Variants in PKD1L3 observed in about 807,000 individuals in gnomAD.
The protein encoded by PKD1L3 is polycystin-1-like protein 3.
In PKD1L3, 239 loss-of-function variants were observed where a neutral mutation model predicts 184.1. The observed-to-expected ratio is 1.30, with a 90% confidence interval of 1.17 to 1.45. PKD1L3 has a LOEUF of 1.45. Ranked by LOEUF, PKD1L3 falls within the 40% of genes most tolerant of loss-of-function variation. The pLI is 0.00. For missense variants in PKD1L3, 2,660 were observed against 2,067.2 expected, an observed-to-expected ratio of 1.29 and a Z score of -5.56; for synonymous variants, 996 against 778.8, an observed-to-expected ratio of 1.28 and a Z score of -4.64.
intron 13 of PKD1L3, among the ~76,000 whole-genome samples, chr16:71,969,330 G>A (rs2039620696): frequency 6.7e-6 from 1 of 149,376 alleles, no homozygotes; most frequent in Admixed American, 6.7e-5. Context: ...TTTCTTTTTG[G>A]AGACTGGGTC....
chr16:71,984,828 C>A (rs1262996130), intron 5 of PKD1L3, among the ~76,000 whole-genome samples: 1 of 152,168 alleles, frequency 6.6e-6, no homozygotes, highest in African/African-American at 2.4e-5. Context: ...CACTGCACTC[C>A]AGCCTGGGCG....
chr16:71,988,470 C>T (rs1397626026), intron 4 of PKD1L3, among the ~76,000 whole-genome samples: 2 of 152,194 alleles, frequency 1.3e-5, no homozygotes, highest in Non-Finnish European at 2.9e-5. Flanking sequence ...ATGGGGACTG[C>T]AGGCATAAGC....
At chr16:71,970,228 T>C (rs1597340632) in intron 12 of PKD1L3, 123 bp from the exon 13 acceptor site, 2 of 751,828 alleles carry the variant, frequency 2.7e-6, no homozygotes, top group Non-Finnish European at 4.3e-6. Flanking sequence ...TCACAGCTGG[T>C]GATGGCGTAA....
At chr16:71,929,909 A>G in intron 29 of PKD1L3, 143 bp downstream of exon 29, 1 of 1,147,140 alleles carries the variant, frequency 8.7e-7, no homozygotes, top group Non-Finnish European at 1.2e-6. Flanking sequence ...TCCTAGGAAG[A>G]TAGCTGGCAG....
At chr16:71,932,203 G>A (rs1004461075) in intron 28 of PKD1L3, among the ~76,000 whole-genome samples, 1 of 152,194 alleles carries the variant, frequency 6.6e-6, no homozygotes, top group Admixed American at 6.5e-5. Flanking sequence ...TAGATCATTA[G>A]AATGATCAAC....
intron 24 of PKD1L3, among the ~76,000 whole-genome samples, chr16:71,940,246 G>A (rs967087179): frequency 6.6e-6 from 1 of 152,124 alleles, no homozygotes; most frequent in African/African-American, 2.4e-5. Flanking sequence ...TGCTGTATGA[G>A]AGAATCTGGA....
At chr16:71,943,071 G>T in intron 23 of PKD1L3, 47 bp from the exon 24 acceptor site, 3 of 1,400,392 alleles carry the variant, frequency 2.1e-6, no homozygotes, top group African/African-American at 2.9e-5. Flanking sequence ...GGTTAACTTA[G>T]AAATCCTCTA....
chr16:71,934,894 T>G (rs1414404812), intron 26 of PKD1L3, among the ~76,000 whole-genome samples: 2 of 152,170 alleles, frequency 1.3e-5, no homozygotes, highest in African/African-American at 2.4e-5. Context: ...TTCCTCTCCA[T>G]GGGAAAAACC....
intron 3 of PKD1L3, among the ~76,000 whole-genome samples, chr16:71,991,712 T>C (rs184173523): frequency 1.3e-5 from 2 of 152,324 alleles, no homozygotes; most frequent in Admixed American, 1.3e-4. Context: ...AAGTGATACA[T>C]ACGTAGGATA....
At chr16:71,956,644 G>C (rs1210500119) in intron 16 of PKD1L3, among the ~76,000 whole-genome samples, 2 of 152,170 alleles carry the variant, frequency 1.3e-5, no homozygotes, top group Non-Finnish European at 2.9e-5. Context: ...GAAATAGAAA[G>C]AATAGTTGCC....
At position 71,953,002 on chromosome 16, in the gene PKD1L3, G is replaced by T; in HGVS notation, c.2901C>A (p.Leu967=). Residue 967 remains leucine, a synonymous_variant, in exon 18 of 30, where the codon CTC becomes CTA. Transcript: ENST00000620267. ...TCTCCTGTGGCTCAATCAACGGGAA[G>T]AGCCGCCCTATGACAAGATTGATTG... is the stretch of plus-strand genomic sequence containing the variant. The part of the protein sequence containing the change: ...LFPINLVIGR[L]FPLIEPQETL... 6.5e-7 allele frequency: 1 copy of T among 1,549,490 alleles called. No individual in the cohort carries two copies. Among genetic ancestry groups the T allele is most frequent in the Non-Finnish European group, 8.7e-7 (1 of 1,146,140 alleles).
Position 71,947,034 on chromosome 16 carries a change from T to A in PKD1L3, c.3718+458A>T, listed in dbSNP as rs186483785. On this transcript the variant is annotated intron_variant, in intron 22 of 29. Coordinates refer to ENST00000620267, the MANE Select transcript of PKD1L3 (RefSeq NM_181536.2). ...CACTTGGGAGGCCGAGGAGAGTGGATCACCTGAGGTCAGGAGTTCAAGACC... is the reference window on the plus strand; with the variant it reads ...CACTTGGGAGGCCGAGGAGAGTGGAACACCTGAGGTCAGGAGTTCAAGACC... 6.0e-4 allele frequency among the ~76,000 whole-genome samples: 91 copies of A among 151,708 alleles called. 1 individual carries two copies. The highest frequency in any genetic ancestry group is 2.0e-3 in the African/African-American group (81 of 41,304).
intron 28 of PKD1L3, 92 bp from the exon 29 acceptor site, chr16:71,930,275 GAAGA>G: frequency 7.7e-7 from 1 of 1,297,128 alleles, no homozygotes; most frequent in Non-Finnish European, 1.0e-6. Context: ...GATCTTATCA[GAAGA>G]AAAGCTTATC....
intron 22 of PKD1L3, 142 bp downstream of exon 22, chr16:71,947,350 A>G (rs2038657121): frequency 1.6e-6 from 1 of 614,206 alleles, no homozygotes; most frequent in South Asian, 1.9e-5. Context: ...CTGGAAGGGC[A>G]TTAGTCTTGG....
intron 9 of PKD1L3, among the ~76,000 whole-genome samples, chr16:71,979,379 G>T (rs760084095): frequency 2.6e-5 from 4 of 152,162 alleles, no homozygotes; most frequent in Non-Finnish European, 4.4e-5. Flanking sequence ...GGGAGGCAGA[G>T]GTTGCAGTGA....
chr16:71,978,502 TATA>T, intron 9 of PKD1L3, 119 bp from the exon 10 acceptor site: 4 of 119,904 alleles, frequency 3.3e-5, no homozygotes, highest in Non-Finnish European at 6.2e-5. Flanking sequence ...TGTGTATATA[TATA>T]TATATATATA....
chr16:71,956,806 A>G (rs1848874076), intron 16 of PKD1L3, among the ~76,000 whole-genome samples: 1 of 152,200 alleles, frequency 6.6e-6, no homozygotes, highest in Non-Finnish European at 1.5e-5. Context: ...AAGATGGTAA[A>G]TGTTATGTGT....
intron 28 of PKD1L3, 79 bp downstream of exon 28, chr16:71,933,341 G>T: frequency 9.9e-7 from 1 of 1,009,316 alleles, no homozygotes; most frequent in Non-Finnish European, 1.5e-6. Context: ...TACAGTAGGG[G>T]GCTGTTTTCA....
At chr16:71,929,861 A>T in intron 29 of PKD1L3, 183 bp from the exon 30 acceptor site, 2 of 959,540 alleles carry the variant, frequency 2.1e-6, no homozygotes, top group Non-Finnish European at 3.0e-6. Flanking sequence ...TTATAGGACA[A>T]TGGCTATAGA....
Sources: gnomAD v4.1 joint callset for allele counts (sites outside exome capture counted in the v4.1 genomes callset) on GRCh38, gnomAD v4.1.1 for gene constraint, MANE v1.5 for transcripts, NCBI Gene and HGNC (gene_info 2026-07-23, HGNC 2026-07-21) for gene names.